Variants in TGFBI observed in about 807,000 individuals in gnomAD.
TGFBI encodes the protein transforming growth factor-beta-induced protein ig-h3.
In TGFBI, 50 loss-of-function variants were observed where a neutral mutation model predicts 73.7. That is an observed-to-expected ratio of 0.68 (90% CI 0.54 to 0.86). TGFBI has a LOEUF of 0.86. TGFBI is among the 40% of genes least tolerant of loss of function. The pLI, the probability that TGFBI is intolerant of heterozygous loss-of-function variation, is 0.00. For synonymous variants in TGFBI, 362 were observed against 360.5 expected, an observed-to-expected ratio of 1.00 and a Z score of -0.05; for missense variants, 839 against 877.0, an observed-to-expected ratio of 0.96 and a Z score of 0.55.
At chr5:136,047,523 T>C in intron 6 of TGFBI, 103 bp downstream of exon 6, 10 of 1,400,984 alleles carry the variant, frequency 7.1e-6, no homozygotes, top group Non-Finnish European at 6.9e-6. Flanking sequence ...ATGGCTCCTG[T>C]AGGGGAACAT....
Position 136,055,767 on chromosome 5 carries a change from C to T in TGFBI, c.1498C>T (p.Pro500Ser), listed in dbSNP as rs554511298. 8 of 1,612,740 alleles carry T rather than the reference C, an allele frequency of 5.0e-6. No homozygotes were observed. In the Admixed American group the frequency reaches 1.0e-4, roughly 20 times the overall value. Residue 500 changes from proline (P) to serine (S), a missense_variant, in exon 11 of 17, where the codon CCC becomes TCC. Pro to Ser is a moderately conservative substitution (Grantham distance 74, BLOSUM62 -1). Coordinates refer to ENST00000442011, the MANE Select transcript of TGFBI (RefSeq NM_000358.3). Reference protein sequence around the residue: ...TLFTMDRVLTPPMGTVMDVLK... With the variant: ...TLFTMDRVLTSPMGTVMDVLK... ...GTTCACGATGGACCGGGTGCTGACC[C>T]CCCCAATGGGGACTGTCATGGATGT...
intron 2 of TGFBI, among the ~76,000 whole-genome samples, chr5:136,036,526 G>A (rs943994408): frequency 7.9e-5 from 12 of 152,160 alleles, no homozygotes; most frequent in Non-Finnish European, 8.8e-5. Context: ...CTCTGTTCTT[G>A]TAGAGAGCTC....
intron 8 of TGFBI, 133 bp from the exon 9 acceptor site, chr5:136,053,810 C>A: frequency 7.5e-7 from 1 of 1,324,700 alleles, no homozygotes; most frequent in Non-Finnish European, 1.0e-6. Flanking sequence ...CCCGCTGGGC[C>A]CCAGCAGTGT....
At chr5:136,055,082 C>G in intron 10 of TGFBI, 1 of 570,898 alleles carries the variant, frequency 1.8e-6, no homozygotes, top group South Asian at 2.1e-5. Flanking sequence ...ACACAATTAT[C>G]CAACCTGTAT....
In TGFBI at chr5:136,053,139, G is replaced by A. The variant is rs372638106; in HGVS notation, c.1126+20G>A. 1.6e-5 allele frequency: 26 copies of A among 1,609,516 alleles called. No individual in the cohort carries two copies. The highest frequency in any genetic ancestry group is 2.0e-5 in the Non-Finnish European group (24 of 1,176,812). On this transcript the variant is annotated intron_variant, in intron 8 of 16. Transcript: ENST00000442011. ...ACTCAGGTAGGCCAGGCCTCCGGGG[G>A]CCTTGGCCCTGCCTGGCCCACCATC...
chr5:136,029,218 C>T, intron 1 of TGFBI, 29 bp downstream of exon 1: 1 of 1,448,708 alleles, frequency 6.9e-7, no homozygotes, highest in Admixed American at 2.5e-5. Flanking sequence ...CCAGGGGCTG[C>T]GGAAGGTCAG....
At position 136,047,045 on chromosome 5, in the gene TGFBI, C is replaced by G. The variant is rs1250450873; in HGVS notation, c.624+30C>G. The G allele has an allele frequency of 4.4e-6, 7 of 1,606,472 alleles. No individual in the cohort carries two copies. In the Admixed American group the frequency reaches 1.2e-4, roughly 27 times the overall value. On this transcript the variant is annotated intron_variant, in intron 5 of 16. Coordinates refer to ENST00000442011, the MANE Select transcript of TGFBI (RefSeq NM_000358.3). The stretch of plus-strand genomic sequence containing the variant: ...GGGATCCCCAGCCATACTGCATGGC[C>G]CTTGGTGCATAATGAACCCATTTCT...
chr5:136,053,984 A>G lies in TGFBI; in HGVS notation c.1168A>G (p.Thr390Ala). ...ATTGGCTGCAGAGTCTGATGTGTCC[A>G]CAGCCATTGACCTTTTCAGACAAGC... ...FELAAESDVSTAIDLFRQAGL... is the reference protein window; with the variant it reads ...FELAAESDVSAAIDLFRQAGL... The change falls in exon 9 of 17, where the codon ACA (threonine) becomes GCA (alanine). Residue 390 changes from threonine (T) to alanine (A), a missense_variant. Coordinates refer to ENST00000442011, the MANE Select transcript of TGFBI (RefSeq NM_000358.3). 1 of 1,614,034 alleles carries G rather than the reference A, an allele frequency of 6.2e-7. No homozygotes were observed. The highest frequency in any genetic ancestry group is 8.5e-7 in the Non-Finnish European group (1 of 1,179,898).
At chr5:136,054,391 G>T (rs571680172) in intron 9 of TGFBI, among the ~76,000 whole-genome samples, 19 of 152,170 alleles carry the variant, frequency 1.2e-4, no homozygotes, top group Non-Finnish European at 2.5e-4. Flanking sequence ...TATTTGCAGG[G>T]TCACTTGCCA....
chr5:136,047,421 G>T lies in TGFBI; in HGVS notation c.771+1G>T, dbSNP rs1216415814. ...CGAGGACACCTTTGAGACCCTTCGG[G>T]TAAGGGACTGCCCTGGGTGGAGGCC... is the stretch of plus-strand genomic sequence containing the variant. On this transcript the variant is annotated splice_donor_variant, in intron 6 of 16. Transcript: ENST00000442011. LOFTEE classifies it high-confidence loss of function. The T allele has an allele frequency of 1.2e-6, 2 of 1,613,736 alleles. No homozygotes were observed. The highest frequency in any genetic ancestry group is 1.1e-5 in the South Asian group (1 of 91,074).
intron 13 of TGFBI, among the ~76,000 whole-genome samples, chr5:136,059,631 C>T (rs375206165): frequency 6.6e-6 from 1 of 152,214 alleles, no homozygotes; most frequent in East Asian, 1.9e-4. Context: ...GACACTTGCT[C>T]TGTGAGCCTT....
intron 12 of TGFBI, among the ~76,000 whole-genome samples, chr5:136,057,046 T>G (rs7727725): frequency 6.6e-6 from 1 of 151,930 alleles, no homozygotes; most frequent in African/African-American, 2.4e-5. Context: ...AGGGAGGTCA[T>G]GAGCCTTGGA....
chr5:136,059,412 G>T (rs773836746), intron 13 of TGFBI, among the ~76,000 whole-genome samples, 198 bp downstream of exon 13: 1 of 152,210 alleles, frequency 6.6e-6, no homozygotes, highest in Non-Finnish European at 1.5e-5. Context: ...TTAGACATGA[G>T]TAAGAACTTC....
At chr5:136,062,617 G>A in intron 15 of TGFBI, 46 bp from the exon 16 acceptor site, 1 of 1,550,942 alleles carries the variant, frequency 6.4e-7, no homozygotes, top group Non-Finnish European at 8.7e-7. Context: ...AGCAGTTGCA[G>A]GTATAACTTT....
In TGFBI at chr5:136,046,384, CA is replaced by C; in HGVS notation, c.349del (p.Thr117ProfsTer12). 1 of 1,613,972 alleles carries C rather than the reference CA, an allele frequency of 6.2e-7. No individual in the cohort carries two copies. Among genetic ancestry groups the C allele is most frequent in the Non-Finnish European group, 8.5e-7 (1 of 1,179,890 alleles). ...YETLGVVGSTTTQLYTDRTEK... is the reference protein window; with the variant it reads ...YETLGVVGSTXTQLYTDRTEK... ...AGACCCTGGGAGTCGTTGGATCCAC[CA>C]CCACTCAGCTGTACACGGACCGCAC... On this transcript the variant is annotated frameshift_variant, in exon 4 of 17. Transcript: ENST00000442011. LOFTEE classifies it high-confidence loss of function.
intron 13 of TGFBI, 60 bp downstream of exon 13, chr5:136,059,274 A>C: frequency 1.9e-6 from 3 of 1,586,962 alleles, no homozygotes; most frequent in South Asian, 2.3e-5. Flanking sequence ...TCCAGGACAT[A>C]TCTCACCCCC....
Position 136,029,201 on chromosome 5 carries a change from C to T in TGFBI, c.134+12C>T, listed in dbSNP as rs1418871899. On this transcript the variant is annotated intron_variant, in intron 1 of 16. Transcript: ENST00000442011. ...GGCCGCCAGCACGGGTAAGCCGAGC[C>T]GCCTGGCCAGGGGCTGCGGAAGGTC... 6 of 1,473,660 alleles carry T rather than the reference C, an allele frequency of 4.1e-6. No individual in the cohort carries two copies. The highest frequency in any genetic ancestry group is 5.4e-6 in the Non-Finnish European group (6 of 1,117,568). The allele number at this position is 1,473,660 out of a possible 1,614,324, so 91.3% of individuals were successfully genotyped here. A position where few individuals can be genotyped will look rare whatever the true frequency, so the allele number is the denominator to read the frequency against.
At chr5:136,062,755 C>G (rs1751771104) in intron 16 of TGFBI, 68 bp downstream of exon 16, 1 of 1,474,364 alleles carries the variant, frequency 6.8e-7, no homozygotes. Context: ...AAGCCCAAGC[C>G]TGCCATCTGC....
rs750693052 is a variant in TGFBI, at chr5:136,054,017, G to A, written c.1201G>A (p.Gly401Ser). ...AIDLFRQAGLGNHLSGSERLT... is the reference protein window; with the variant it reads ...AIDLFRQAGLSNHLSGSERLT... ...TGACCTTTTCAGACAAGCCGGCCTC[G>A]GCAATCATCTCTCTGGAAGTGAGCG... The change falls in exon 9 of 17, where the codon GGC (glycine) becomes AGC (serine). Residue 401 changes from glycine to serine, a missense_variant. Coordinates refer to ENST00000442011, the MANE Select transcript of TGFBI (RefSeq NM_000358.3). The A allele has an allele frequency of 7.0e-5, 113 of 1,613,914 alleles. No individual in the cohort carries two copies. Among genetic ancestry groups the A allele is most frequent in the Non-Finnish European group, 8.5e-5 (100 of 1,179,910 alleles).
Sources: allele counts gnomAD v4.1 joint callset (sites outside exome capture counted in the v4.1 genomes callset), GRCh38; gene constraint gnomAD v4.1.1; transcripts MANE v1.5; gene names NCBI Gene and HGNC (gene_info 2026-07-23, HGNC 2026-07-21).